Variants in FAM120B observed in about 807,000 individuals in gnomAD.
FAM120B encodes the protein family with sequence similarity 120 member B.
FAM120B carries 83 observed loss-of-function variants against 96.3 expected under a neutral mutation model. The observed-to-expected ratio is 0.86, with a 90% CI of 0.72 to 1.03. FAM120B has a LOEUF of 1.03. FAM120B is among the 50% of genes least tolerant of loss of function. FAM120B has a pLI of 0.00. For missense variants in FAM120B, 1,027 were observed against 1,121.2 expected, an observed-to-expected ratio of 0.92 and a Z score of 1.20; for synonymous variants, 407 against 402.7, an observed-to-expected ratio of 1.01 and a Z score of -0.13.
At position 170,317,834 on chromosome 6, in the gene FAM120B, G is replaced by A. The variant is rs752555518; in HGVS notation, c.444G>A (p.Leu148=). The A allele has an allele frequency of 6.2e-7, 1 of 1,614,170 alleles. No individual in the cohort carries two copies. Among genetic ancestry groups the A allele is most frequent in the South Asian group, 1.1e-5 (1 of 91,084 alleles). Residue 148 remains leucine (L), a synonymous_variant, in exon 2 of 11, where the codon CTG becomes CTA. Transcript: ENST00000476287. ...AVFTRFALKT[L]GQETLCSLQE... ...TTACACGATTTGCTCTAAAGACACT[G>A]GGCCAGGAAACTTTGTGTTCTTTGC...
intron 6 of FAM120B, among the ~76,000 whole-genome samples, chr6:170,372,577 G>A (rs1789263584): frequency 6.6e-6 from 1 of 152,182 alleles, no homozygotes; most frequent in South Asian, 2.1e-4. Flanking sequence ...TAAATACTGT[G>A]TGGGCTTTTA....
chr6:170,323,337 T>A, intron 3 of FAM120B, 78 bp downstream of exon 3: 1 of 1,222,132 alleles, frequency 8.2e-7, no homozygotes, highest in Middle Eastern at 2.0e-4. Context: ...TGAAATAGAG[T>A]GCATTCTTTC....
At position 170,370,554 on chromosome 6, in the gene FAM120B, A is replaced by G. The variant is rs1440367610; in HGVS notation, c.2283+12236A>G. On this transcript the variant is annotated intron_variant, in intron 6 of 10. Coordinates refer to ENST00000476287, the MANE Select transcript of FAM120B (RefSeq NM_032448.3). The surrounding 1 kb of genome is among the most constrained non-coding windows in gnomAD (Gnocchi z 4.3). Reference sequence around the variant, plus strand: ...TCTTCTGGGGGTTAAACCTAAACTCAGAAGCCAGAACTCGGTAATATTACC... The same window carrying G: ...TCTTCTGGGGGTTAAACCTAAACTCGGAAGCCAGAACTCGGTAATATTACC... Among the ~76,000 whole-genome samples, 1 of 152,140 alleles carries G rather than the reference A, an allele frequency of 6.6e-6. No individual in the cohort carries two copies. The highest frequency in any genetic ancestry group is 1.5e-5 in the Non-Finnish European group (1 of 68,026).
At chr6:170,330,992 A>C (rs1262430632) in intron 4 of FAM120B, 1 of 160,048 alleles carries the variant, frequency 6.2e-6, no homozygotes, top group Non-Finnish European at 1.4e-5. Context: ...TATTTTGATG[A>C]GTTCTGGCAC....
At chr6:170,392,655 CCCAGATTCTTAT>C in intron 8 of FAM120B, among the ~76,000 whole-genome samples, 1 of 152,302 alleles carries the variant, frequency 6.6e-6, no homozygotes, top group South Asian at 2.1e-4. Flanking sequence ...GAGAACTCAG[CCCAGATTCTTAT>C]CCACCCAGAC....
At chr6:170,404,680 C>T in intron 10 of FAM120B, 79 bp downstream of exon 10, 1 of 1,108,458 alleles carries the variant, frequency 9.0e-7, no homozygotes, top group Non-Finnish European at 1.4e-6. Flanking sequence ...TATCAAGTAC[C>T]AAAGTAAACA....
chr6:170,303,024 G>A (rs576314616), upstream of FAM120B, among the ~76,000 whole-genome samples: 3 of 152,204 alleles, frequency 2.0e-5, no homozygotes, highest in African/African-American at 7.2e-5. Context: ...TGACAGTCGT[G>A]CCACTTACTA....
chr6:170,317,558 A>G lies in FAM120B; in HGVS notation c.168A>G (p.Glu56=). The change falls in exon 2 of 11, where the codon GAA becomes GAG. Residue 56 remains glutamate, a synonymous_variant. Coordinates refer to ENST00000476287, the MANE Select transcript of FAM120B (RefSeq NM_032448.3). ...GTCTCAGATATTGGTATACTCCAGA[A>G]TCTTGGATCTGCGGTGGCCAGTGGC... The part of the protein sequence containing the change: ...MCCLRYWYTP[E]SWICGGQWRE... 1 of 1,614,178 alleles carries G rather than the reference A, an allele frequency of 6.2e-7. No individual in the cohort carries two copies. The highest frequency in any genetic ancestry group is 8.5e-7 in the Non-Finnish European group (1 of 1,180,026).
chr6:170,339,535 T>A (rs1786671961), intron 4 of FAM120B, among the ~76,000 whole-genome samples: 1 of 152,020 alleles, frequency 6.6e-6, no homozygotes. Context: ...ATGCCTGTAA[T>A]CCCAGCACTT....
intron 9 of FAM120B, among the ~76,000 whole-genome samples, chr6:170,398,749 A>T (rs1778359248): frequency 1.3e-5 from 2 of 148,224 alleles, no homozygotes; most frequent in South Asian, 4.3e-4. Context: ...GTGAGTGAGA[A>T]AGGTAGAACT....
At chr6:170,355,137 C>T (rs759959413) in intron 5 of FAM120B, among the ~76,000 whole-genome samples, 2 of 151,902 alleles carry the variant, frequency 1.3e-5, no homozygotes, top group Non-Finnish European at 2.9e-5. Context: ...TAAATTAGTT[C>T]AACAATTGTG....
At chr6:170,371,990 CAG>C (rs1789225376) in intron 6 of FAM120B, among the ~76,000 whole-genome samples, 1 of 152,160 alleles carries the variant, frequency 6.6e-6, no homozygotes, top group African/African-American at 2.4e-5. Context: ...AATTGAAAAA[CAG>C]AAAAAATAAG....
chr6:170,307,965 C>T lies in FAM120B; in HGVS notation c.-22+1123C>T, dbSNP rs58722468. On this transcript the variant is annotated intron_variant, in intron 1 of 10. Coordinates refer to ENST00000476287, the MANE Select transcript of FAM120B (RefSeq NM_032448.3). ...AGCAGCAGGGTCCTAACCACCATCT[C>T]CTGAGTATGTGAGAGCATCTTATCC... 4.9e-3 allele frequency among the ~76,000 whole-genome samples: 752 copies of T among 152,302 alleles called. 9 individuals carry two copies. Among genetic ancestry groups the T allele is most frequent in the African/African-American group, 0.017 (718 of 41,564 alleles).
At chr6:170,378,504 A>G (rs1789712537) in intron 6 of FAM120B, among the ~76,000 whole-genome samples, 1 of 151,172 alleles carries the variant, frequency 6.6e-6, no homozygotes, top group African/African-American at 2.5e-5. Flanking sequence ...TGAAAACAGT[A>G]AAAAAATACG....
intron 6 of FAM120B, among the ~76,000 whole-genome samples, chr6:170,369,044 C>T (rs542180236): frequency 4.0e-5 from 6 of 151,796 alleles, no homozygotes; most frequent in South Asian, 2.1e-4. Flanking sequence ...CGTATTTGCC[C>T]GTAGCAGTAG....
At chr6:170,382,914 TA>T (rs1209580580) in intron 6 of FAM120B, among the ~76,000 whole-genome samples, 1 of 152,168 alleles carries the variant, frequency 6.6e-6, no homozygotes, top group African/African-American at 2.4e-5. Context: ...ATAACTGCAG[TA>T]ATCAAGACAG....
intron 6 of FAM120B, among the ~76,000 whole-genome samples, chr6:170,387,686 A>G (rs1280250195): frequency 6.6e-6 from 1 of 152,244 alleles, no homozygotes; most frequent in Non-Finnish European, 1.5e-5. Flanking sequence ...CAGCCTATCA[A>G]CCTAGTGAGA....
intron 8 of FAM120B, among the ~76,000 whole-genome samples, chr6:170,393,795 A>G (rs1790592251): frequency 6.6e-6 from 1 of 152,214 alleles, no homozygotes; most frequent in Admixed American, 6.5e-5. Context: ...TTCTTGGGTA[A>G]TGCTGAGCTT....
intron 6 of FAM120B, among the ~76,000 whole-genome samples, chr6:170,376,700 GC>G (rs1789542088): frequency 6.6e-6 from 1 of 152,218 alleles, no homozygotes; most frequent in Non-Finnish European, 1.5e-5. Context: ...GAGTGGTGAG[GC>G]AGGAGAGACA....
Sources: allele counts gnomAD v4.1 joint callset (sites outside exome capture counted in the v4.1 genomes callset), GRCh38; gene constraint gnomAD v4.1.1; non-coding constraint Gnocchi (gnomAD v3.1); transcripts MANE v1.5; gene names NCBI Gene and HGNC (gene_info 2026-07-23, HGNC 2026-07-21).